FAM161A: variants seen among roughly 807,000 people sequenced by gnomAD.
FAM161A encodes FAM161 centrosomal protein A.
Under a neutral mutation model 70.9 loss-of-function variants are expected in FAM161A, and 57 were observed. The observed-to-expected ratio is 0.80, with a 90% CI of 0.65 to 1.00. The LOEUF is 1.00. Among genes scored for constraint, FAM161A ranks in the 50% least tolerant of loss-of-function variants. The pLI is 0.00. For synonymous variants in FAM161A, 299 were observed against 295.7 expected (o/e 1.01, Z -0.12); for missense variants, 880 against 836.0 (o/e 1.05, Z -0.65).
At chr2:61,837,105 C>G (rs1672803285) in intron 4 of FAM161A, among the ~76,000 whole-genome samples, 1 of 152,110 alleles carries the variant, frequency 6.6e-6, no homozygotes, top group East Asian at 1.9e-4. Flanking sequence ...TGGGCTCAAG[C>G]AATCTTCCTG....
rs752981498 is a variant in FAM161A at position 61,838,604 on chromosome 2, C to T, written c.1685G>A (p.Arg562Gln). 8.7e-6 allele frequency: 14 copies of T among 1,611,950 alleles called. 1 individual carries two copies. The highest frequency in any genetic ancestry group is 8.3e-5 in the Admixed American group (5 of 59,928). ...MKELQKLLTT[R>Q]AKAYDSHQSL... ...TTGATGTGAGTCATAAGCCTTAGCC[C>T]GGGTTGTCAGGAGTTTCTGCAATTC... Residue 562 changes from arginine (R) to glutamine (Q), a missense_variant, in exon 4 of 7, where the codon CGG (arginine) becomes CAG (glutamine). Physicochemically the swap from Arg to Gln is conservative, Grantham distance 43. Coordinates refer to ENST00000404929, the MANE Select transcript of FAM161A (RefSeq NM_001201543.2).
chr2:61,832,996 T>C (rs75026829), intron 5 of FAM161A, among the ~76,000 whole-genome samples: 1 of 152,002 alleles, frequency 6.6e-6, no homozygotes, highest in Non-Finnish European at 1.5e-5. Flanking sequence ...GTTTAACTGT[T>C]TGAGGGGGAT....
the FAM161A span, among the ~76,000 whole-genome samples, chr2:61,814,262 C>G: frequency 6.6e-6 from 1 of 152,150 alleles, no homozygotes; most frequent in African/African-American, 2.4e-5. Context: ...TTCCTAGGTT[C>G]CTGACAGTTT....
Position 61,827,298 on chromosome 2 carries a change from CTT to C in FAM161A, c.1852-42_1852-41del. 3 of 1,603,806 alleles carry C rather than the reference CTT, an allele frequency of 1.9e-6. No homozygotes were observed. The South Asian group carries it at 3.3e-5, about 18-fold the overall frequency. On this transcript the variant is annotated intron_variant, in intron 5 of 6. Transcript: ENST00000404929. ...AACCTTTTTAGACGAGAACAGAAGA[CTT>C]TAAATTTTCATCAAAAATGTATAGA...
At chr2:61,820,415 A>G, downstream of FAM161A, 1 of 757,694 alleles carries the variant, frequency 1.3e-6, no homozygotes, top group Non-Finnish European at 2.4e-6. Flanking sequence ...GCAGCCATGA[A>G]TGCAAGGCCA....
At chr2:61,828,551 T>C (rs926811396) in intron 5 of FAM161A, among the ~76,000 whole-genome samples, 1 of 152,072 alleles carries the variant, frequency 6.6e-6, no homozygotes, top group Admixed American at 6.6e-5. Context: ...TGGCCTTGAA[T>C]TCCTGGGTTT....
intron 5 of FAM161A, among the ~76,000 whole-genome samples, chr2:61,832,246 C>A (rs201553134): frequency 0.35 from 49,417 of 139,580 alleles, 9,732 homozygotes; most frequent in East Asian, 0.68. Context: ...CTGTCACACA[C>A]ACACAAAAAA....
chr2:61,815,913 A>G, the FAM161A span, among the ~76,000 whole-genome samples: 1 of 151,978 alleles, frequency 6.6e-6, no homozygotes, highest in African/African-American at 2.4e-5. Flanking sequence ...AAGCAAACCA[A>G]TCCTCCCAAC....
At chr2:61,802,105 T>C in the FAM161A span, among the ~76,000 whole-genome samples, 32 of 152,354 alleles carry the variant, frequency 2.1e-4, no homozygotes, top group African/African-American at 5.1e-4. Context: ...AAGTTCTCTT[T>C]AAAATGAACT....
chr2:61,841,526 C>T (rs943988869), intron 2 of FAM161A, among the ~76,000 whole-genome samples: 2 of 152,174 alleles, frequency 1.3e-5, no homozygotes, highest in African/African-American at 4.8e-5. Context: ...CTGTAACACT[C>T]TGTTACATCA....
chr2:61,810,978 A>G, the FAM161A span, among the ~76,000 whole-genome samples: 2 of 151,932 alleles, frequency 1.3e-5, no homozygotes, highest in African/African-American at 4.8e-5. Context: ...TCCCAAACCC[A>G]TTTCTTCCCC....
At chr2:61,838,411 A>T in intron 4 of FAM161A, 127 bp downstream of exon 4, 1 of 798,342 alleles carries the variant, frequency 1.3e-6, no homozygotes. Flanking sequence ...GTAACTGATG[A>T]CAATTTAAAT....
chr2:61,820,942 T>C (rs1412313793), downstream of FAM161A, among the ~76,000 whole-genome samples: 1 of 152,206 alleles, frequency 6.6e-6, no homozygotes, highest in Non-Finnish European at 1.5e-5. Flanking sequence ...AAGTCTCTCT[T>C]CCATCACCTA....
chr2:61,847,809 T>G (rs1673284345), intron 1 of FAM161A, among the ~76,000 whole-genome samples: 1 of 152,034 alleles, frequency 6.6e-6, no homozygotes, highest in African/African-American at 2.4e-5. Flanking sequence ...CAAGGATTTG[T>G]CTGCTTTGTT....
intron 1 of FAM161A, among the ~76,000 whole-genome samples, chr2:61,844,972 G>T (rs12612234): frequency 9.5e-4 from 144 of 152,056 alleles, no homozygotes; most frequent in Admixed American, 2.7e-3. Context: ...CAGTGAAAAA[G>T]GAATAAATAA....
the FAM161A span, among the ~76,000 whole-genome samples, chr2:61,816,302 GTCACATTAGCTC>G: frequency 5.9e-5 from 9 of 152,048 alleles, no homozygotes; most frequent in African/African-American, 9.7e-5. Context: ...CACTGCCTGG[GTCACATTAGCTC>G]TCTGACCTTG....
intron 4 of FAM161A, among the ~76,000 whole-genome samples, chr2:61,838,315 T>C (rs1292316086): frequency 6.6e-6 from 1 of 152,234 alleles, no homozygotes; most frequent in Non-Finnish European, 1.5e-5. Context: ...TCTGTATTCA[T>C]CAACATAGCT....
chr2:61,826,071 T>G lies in FAM161A; in HGVS notation c.*384A>C. The G allele has an allele frequency of 2.2e-6, 1 of 461,024 alleles. No individual in the cohort carries two copies. Among genetic ancestry groups the G allele is most frequent in the South Asian group, 1.6e-5 (1 of 64,460 alleles). The allele number at this position is 461,024 out of a possible 1,614,324, so 28.6% of individuals were successfully genotyped here. A position where few individuals can be genotyped will look rare whatever the true frequency, so the allele number is the denominator to read the frequency against. ...AGTTATTGATTCACACTTTCCAAAATTTTTAAAAAGTAAACCACCAAAGAC... is the reference window on the plus strand; with the variant it reads ...AGTTATTGATTCACACTTTCCAAAAGTTTTAAAAAGTAAACCACCAAAGAC... On this transcript the variant is annotated 3_prime_UTR_variant, in exon 7 of 7. Coordinates refer to ENST00000404929, the MANE Select transcript of FAM161A (RefSeq NM_001201543.2).
chr2:61,808,536 T>C, the FAM161A span, among the ~76,000 whole-genome samples: 2 of 152,296 alleles, frequency 1.3e-5, no homozygotes, highest in African/African-American at 4.8e-5. Context: ...CCTCCCAAAG[T>C]GCTGGGATTA....
Sources: allele counts gnomAD v4.1 joint callset (sites outside exome capture counted in the v4.1 genomes callset), GRCh38; gene constraint gnomAD v4.1.1; transcripts MANE v1.5; gene names NCBI Gene and HGNC (gene_info 2026-07-23, HGNC 2026-07-21).